The following SIPA1L3 variants were observed in gnomAD, a reference collection of about 807,000 sequenced individuals.
The protein encoded by SIPA1L3 is signal-induced proliferation-associated 1-like protein 3.
In SIPA1L3, 59 loss-of-function variants were observed where a neutral mutation model predicts 150.1. The observed-to-expected ratio is 0.39, with a 90% CI of 0.32 to 0.49. The LOEUF (loss-of-function observed/expected upper bound fraction) is 0.49, where lower values mean the gene tolerates loss of function less well. Among genes scored for constraint, SIPA1L3 ranks in the 20% least tolerant of loss-of-function variants. The pLI is 0.86. For synonymous variants in SIPA1L3, 1,070 were observed against 1,077.6 expected (o/e 0.99, Z 0.14); for missense variants, 2,211 against 2,489.5 (o/e 0.89, Z 2.38).
At chr19:37,990,524 A>G (rs2145634216) in intron 1 of SIPA1L3, among the ~76,000 whole-genome samples, 1 of 152,312 alleles carries the variant, frequency 6.6e-6, no homozygotes, top group South Asian at 2.1e-4. Flanking sequence ...CATGGAGACA[A>G]GGAATAGATA....
At chr19:37,995,020 G>A (rs1286589233) in intron 1 of SIPA1L3, among the ~76,000 whole-genome samples, 1 of 152,206 alleles carries the variant, frequency 6.6e-6, no homozygotes, top group East Asian at 1.9e-4. Context: ...GGCTGCCCCA[G>A]CCTGAGGATC....
chr19:37,925,412 C>T (rs2046494435), intron 1 of SIPA1L3, among the ~76,000 whole-genome samples: 1 of 151,996 alleles, frequency 6.6e-6, no homozygotes, highest in Non-Finnish European at 1.5e-5. Context: ...AGTGCAAAGG[C>T]CCTGAGGTGA....
intron 1 of SIPA1L3, among the ~76,000 whole-genome samples, chr19:37,916,274 G>A (rs771658248): frequency 3.0e-4 from 46 of 151,838 alleles, no homozygotes; most frequent in Non-Finnish European, 5.7e-4. Context: ...TGGTCTTCCC[G>A]CCTCAGCCTC....
intron 13 of SIPA1L3, among the ~76,000 whole-genome samples, chr19:38,161,340 C>CA (rs952754406): frequency 0.015 from 667 of 45,606 alleles, 5 homozygotes; most frequent in African/African-American, 0.018. Context: ...GACTCCGTCT[C>CA]AAAAAAAAAA....
chr19:38,085,085 C>T (rs922113231), intron 3 of SIPA1L3, among the ~76,000 whole-genome samples: 8 of 152,116 alleles, frequency 5.3e-5, no homozygotes, highest in Admixed American at 6.5e-5. Flanking sequence ...AGCTGATCCA[C>T]GTGATACGTT....
chr19:38,137,698 C>T (rs1328397746), intron 10 of SIPA1L3, among the ~76,000 whole-genome samples: 1 of 151,956 alleles, frequency 6.6e-6, no homozygotes, highest in Non-Finnish European at 1.5e-5. Context: ...CTGTGTTGCC[C>T]AGGCTGGCCT....
At chr19:37,966,453 C>T (rs557321814) in intron 1 of SIPA1L3, among the ~76,000 whole-genome samples, 42 of 152,160 alleles carry the variant, frequency 2.8e-4, no homozygotes, top group Non-Finnish European at 5.0e-4. Flanking sequence ...GTTATGAGAC[C>T]AGCATGGAGC....
chr19:38,114,897 G>C (rs935654262), intron 8 of SIPA1L3, among the ~76,000 whole-genome samples: 7 of 152,236 alleles, frequency 4.6e-5, no homozygotes, highest in African/African-American at 1.4e-4. Flanking sequence ...CATGTGCCCT[G>C]TCCTCCCGTC....
At chr19:38,175,645 C>G (rs1972420421) in intron 15 of SIPA1L3, among the ~76,000 whole-genome samples, 1 of 152,202 alleles carries the variant, frequency 6.6e-6, no homozygotes, top group African/African-American at 2.4e-5. Context: ...CTGGCACCTG[C>G]AGCTCCGCGG....
chr19:38,173,301 G>A lies in SIPA1L3; in HGVS notation c.4208+8395G>A, dbSNP rs534077588. On this transcript the variant is annotated intron_variant, in intron 15 of 21. Coordinates refer to ENST00000222345, the MANE Select transcript of SIPA1L3 (RefSeq NM_015073.3). ...CCGGGCTGCGGCCCTTGCCGTGGAA[G>A]CAGGTGCAGCCTGTAGCAGCTTGTG... 2.5e-4 allele frequency among the ~76,000 whole-genome samples: 38 copies of A among 152,292 alleles called. 1 individual carries two copies. In the South Asian group the frequency reaches 7.2e-3, roughly 29 times the overall value.
chr19:38,187,535 G>A (rs1972710454), intron 16 of SIPA1L3, among the ~76,000 whole-genome samples: 1 of 151,644 alleles, frequency 6.6e-6, no homozygotes, highest in Non-Finnish European at 1.5e-5. Flanking sequence ...GGCTAACACG[G>A]TGAAACCCCG....
rs187513042 is a variant in SIPA1L3 at position 38,022,320 on chromosome 19, C to A, written c.-378-6769C>A. Reference sequence around the variant, plus strand: ...GCATGCACCAGTAGTCCCAGCTACTCGGGAGGCTGAGGCGGGAGGATCGCT... The same window carrying A: ...GCATGCACCAGTAGTCCCAGCTACTAGGGAGGCTGAGGCGGGAGGATCGCT... On this transcript the variant is annotated intron_variant, in intron 1 of 21. Coordinates refer to ENST00000222345, the MANE Select transcript of SIPA1L3 (RefSeq NM_015073.3). Among the ~76,000 whole-genome samples, 742 of 152,296 alleles carry A rather than the reference C, an allele frequency of 4.9e-3. 15 individuals carry two copies. The highest frequency in any genetic ancestry group is 0.045 in the Admixed American group (696 of 15,306).
intron 2 of SIPA1L3, among the ~76,000 whole-genome samples, chr19:38,057,349 T>TAC (rs1287495939): frequency 6.6e-6 from 1 of 150,732 alleles, no homozygotes; most frequent in Non-Finnish European, 1.5e-5. Flanking sequence ...CGTATATATA[T>TAC]ACGTATATAT....
At chr19:38,013,837 G>A (rs1483660252) in intron 1 of SIPA1L3, among the ~76,000 whole-genome samples, 1 of 152,232 alleles carries the variant, frequency 6.6e-6, no homozygotes, top group Non-Finnish European at 1.5e-5. Flanking sequence ...CTGTACTCTT[G>A]GCCTATCAGC....
At chr19:38,063,651 C>T (rs1049980085) in intron 2 of SIPA1L3, among the ~76,000 whole-genome samples, 2 of 152,128 alleles carry the variant, frequency 1.3e-5, no homozygotes, top group African/African-American at 2.4e-5. Flanking sequence ...CAGGAGTGAG[C>T]CCTGGAGGAG....
At chr19:37,965,180 A>C (rs1176702842) in intron 1 of SIPA1L3, among the ~76,000 whole-genome samples, 1 of 152,152 alleles carries the variant, frequency 6.6e-6, no homozygotes, top group Non-Finnish European at 1.5e-5. Context: ...GAACTTTTAA[A>C]ATCAAATTTG....
At chr19:37,987,428 G>A (rs1967383997) in intron 1 of SIPA1L3, among the ~76,000 whole-genome samples, 1 of 152,300 alleles carries the variant, frequency 6.6e-6, no homozygotes, top group South Asian at 2.1e-4. Context: ...ACCAGGGTTT[G>A]TGAACCCTGA....
At chr19:38,174,240 C>T (rs1287056016) in intron 15 of SIPA1L3, among the ~76,000 whole-genome samples, 1 of 152,168 alleles carries the variant, frequency 6.6e-6, no homozygotes. Flanking sequence ...GAAGACCCGT[C>T]GCTTCTGCCC....
In SIPA1L3 at chr19:38,164,384, C is replaced by T; in HGVS notation, c.3781-95C>T. ...AAGCCAGGATTTGAAGCTGTCTGGTCCCAGGGTTCAGGCCCAGGCAGAGGG... is the reference window on the plus strand; with the variant it reads ...AAGCCAGGATTTGAAGCTGTCTGGTTCCAGGGTTCAGGCCCAGGCAGAGGG... On this transcript the variant is annotated intron_variant, in intron 14 of 21. Transcript: ENST00000222345. This position sits in a 1 kb window ranked among gnomAD's most constrained non-coding sequence, Gnocchi z 4.1. 3 of 1,212,428 alleles carry T rather than the reference C, an allele frequency of 2.5e-6. No individual in the cohort carries two copies. The highest frequency in any genetic ancestry group is 3.5e-6 in the Non-Finnish European group (3 of 854,806). The allele number at this position is 1,212,428 out of a possible 1,614,324, so 75.1% of individuals were successfully genotyped here.
Sources: gnomAD v4.1 joint callset for allele counts (sites outside exome capture counted in the v4.1 genomes callset) on GRCh38, gnomAD v4.1.1 for gene constraint, Gnocchi (gnomAD v3.1) non-coding constraint, MANE v1.5 for transcripts, NCBI Gene and HGNC (gene_info 2026-07-23, HGNC 2026-07-21) for gene names.